DPP8: variants seen among roughly 807,000 people sequenced by gnomAD.
The protein encoded by DPP8 is DPP VIII.
Under a neutral mutation model 107.5 loss-of-function variants are expected in DPP8, and 31 were observed. The observed-to-expected ratio is 0.29, with a 90% CI of 0.22 to 0.39. The LOEUF (loss-of-function observed/expected upper bound fraction) is 0.39. Among genes scored for constraint, DPP8 ranks in the 10% least tolerant of loss-of-function variants. The probability of loss-of-function intolerance (pLI) is 1.00; values close to 1 mark genes in which losing one functional copy is unlikely to be tolerated. For synonymous variants in DPP8, 381 were observed against 356.6 expected (o/e 1.07, Z -0.77); for missense variants, 842 against 1,076.1 (o/e 0.78, Z 3.04).
intron 1 of DPP8, 32 bp from the exon 2 acceptor site, chr15:65,512,596 G>C (rs183162286): frequency 6.2e-7 from 1 of 1,610,170 alleles, no homozygotes; most frequent in Non-Finnish European, 8.5e-7. Context: ...AGCTGTTCAC[G>C]GGTCTATCTT....
chr15:65,490,424 T>A (rs2067910848), intron 5 of DPP8, 125 bp from the exon 6 acceptor site: 1 of 685,334 alleles, frequency 1.5e-6, no homozygotes, highest in Non-Finnish European at 2.6e-6. Flanking sequence ...CTGAACGGAC[T>A]GAGTTCAAAT....
chr15:65,503,977 G>C (rs2069591803), intron 3 of DPP8, among the ~76,000 whole-genome samples: 1 of 151,974 alleles, frequency 6.6e-6, no homozygotes, highest in African/African-American at 2.4e-5. Context: ...GGTCAGGCTG[G>C]TCTCGAACTC....
Position 65,467,204 on chromosome 15 carries a change from C to T in DPP8, c.1556G>A (p.Arg519Lys), listed in dbSNP as rs74561645. The T allele has an allele frequency of 1.1e-4, 174 of 1,614,166 alleles. No homozygotes were observed. The East Asian group carries it at 2.3e-3, about 21-fold the overall frequency. ...GGTGCCTTCAAAATATACCAGCCTT[C>T]TGACTTCATCAACTTGGATCTGACA... ...HGSNIQVDEV[R>K]RLVYFEGTKD... is the part of the protein sequence containing the mutation. The change falls in exon 13 of 20, where the codon AGA becomes AAA. Residue 519 changes from arginine to lysine, a missense_variant. This residue lies in a region of DPP8 where 663 missense variants were observed against 758.0 expected (regional missense o/e 0.87). Transcript: ENST00000300141.
chr15:65,454,676 G>A lies in DPP8; in HGVS notation c.2119-261C>T, dbSNP rs142425317. 3.2e-3 allele frequency among the ~76,000 whole-genome samples: 491 copies of A among 152,184 alleles called. 3 individuals are homozygous for A. Among genetic ancestry groups the A allele is most frequent in the Non-Finnish European group, 4.0e-3 (274 of 67,990 alleles). The stretch of plus-strand genomic sequence containing the variant: ...CAAGTAGCTGGGATCACAGGCATGC[G>A]CCACCATGCCCAGCTAATTTTTGTA... On this transcript the variant is annotated intron_variant, in intron 16 of 19. Transcript: ENST00000300141.
chr15:65,498,150 G>T, intron 4 of DPP8, 118 bp from the exon 5 acceptor site: 1 of 730,850 alleles, frequency 1.4e-6, no homozygotes, highest in Non-Finnish European at 2.0e-6. Flanking sequence ...GGCCGGGCGT[G>T]GTGACTTACG....
At chr15:65,475,284 C>G in intron 11 of DPP8, 2 of 670,868 alleles carry the variant, frequency 3.0e-6, no homozygotes, top group South Asian at 1.6e-5. Flanking sequence ...ACCCAAATAC[C>G]TCTATTCCAC....
At chr15:65,457,183 C>T (rs1220947693) in intron 15 of DPP8, among the ~76,000 whole-genome samples, 1 of 152,036 alleles carries the variant, frequency 6.6e-6, no homozygotes, top group African/African-American at 2.4e-5. Flanking sequence ...GGCGAAACCC[C>T]GTCTCTACCA....
intron 11 of DPP8, among the ~76,000 whole-genome samples, chr15:65,477,556 G>T (rs537893911): frequency 7.1e-6 from 1 of 141,680 alleles, no homozygotes; most frequent in South Asian, 2.2e-4. Flanking sequence ...TTGAGACAGA[G>T]TCTCCTGCTG....
At chr15:65,479,825 T>C (rs1470942434) in intron 10 of DPP8, among the ~76,000 whole-genome samples, 2 of 122,728 alleles carry the variant, frequency 1.6e-5, no homozygotes, top group African/African-American at 6.5e-5. Context: ...CAGTCTGGCC[T>C]GGGCGACAGA....
At chr15:65,500,439 T>C (rs559707037) in intron 4 of DPP8, among the ~76,000 whole-genome samples, 167 bp downstream of exon 4, 1 of 152,206 alleles carries the variant, frequency 6.6e-6, no homozygotes, top group South Asian at 2.1e-4. Context: ...AAAATCGCTC[T>C]TAAAATTGGA....
At chr15:65,477,827 G>A (rs2066538642) in intron 11 of DPP8, among the ~76,000 whole-genome samples, 1 of 151,864 alleles carries the variant, frequency 6.6e-6, no homozygotes, top group Non-Finnish European at 1.5e-5. Context: ...CCACCGTGCC[G>A]GGCCTTTTTC....
At chr15:65,471,850 T>C (rs1454024778) in intron 12 of DPP8, among the ~76,000 whole-genome samples, 1 of 152,190 alleles carries the variant, frequency 6.6e-6, no homozygotes, top group Non-Finnish European at 1.5e-5. Flanking sequence ...TATGTCTCCT[T>C]AATCACTTTA....
intron 19 of DPP8, among the ~76,000 whole-genome samples, chr15:65,448,870 A>ATATATATGTGTGTGTG (rs1567125150): frequency 1.3e-3 from 8 of 6,344 alleles, no homozygotes; most frequent in African/African-American, 4.3e-3. Context: ...TCTAAAATAT[A>ATATATATGTGTGTGTG]TATATATATA....
intron 16 of DPP8, chr15:65,455,629 C>G: frequency 8.5e-7 from 1 of 1,177,360 alleles, no homozygotes; most frequent in Non-Finnish European, 1.1e-6. Flanking sequence ...GAGCCAAAAA[C>G]AAAAATAAAA....
intron 1 of DPP8, chr15:65,517,130 CT>C (rs1196972380): frequency 6.6e-6 from 1 of 152,292 alleles, no homozygotes; most frequent in Non-Finnish European, 1.5e-5. Context: ...CCTCTGTGGG[CT>C]TCCGTTTCCT....
chr15:65,467,152 C>T lies in DPP8; in HGVS notation c.1608G>A (p.Leu536=). ...GTKDSPLEHH[L]YVVSYVNPGE... ...CAGGATTTACGTAACTGACTACGTA[C>T]AGGTGATGCTCTAAAGGGGAGTCTT... The change falls in exon 13 of 20, where the codon CTG becomes CTA. Residue 536 remains leucine, a synonymous_variant. Coordinates refer to ENST00000300141, the MANE Select transcript of DPP8 (RefSeq NM_130434.5). 2 of 1,614,036 alleles carry T rather than the reference C, an allele frequency of 1.2e-6. No individual in the cohort carries two copies. Among genetic ancestry groups the T allele is most frequent in the African/African-American group, 2.7e-5 (2 of 75,034 alleles).
chr15:65,460,169 T>A (rs1326891120), intron 15 of DPP8, among the ~76,000 whole-genome samples: 9 of 151,916 alleles, frequency 5.9e-5, no homozygotes, highest in Non-Finnish European at 7.4e-5. Flanking sequence ...CAGACAGGCA[T>A]GGTGGGTTAC....
intron 1 of DPP8, 137 bp from the exon 2 acceptor site, chr15:65,512,701 CTT>C (rs2070951108): frequency 3.7e-6 from 3 of 805,970 alleles, no homozygotes; most frequent in African/African-American, 1.7e-5. Context: ...TGCAATGAAA[CTT>C]AGTAAGAAAA....
At chr15:65,503,926 T>C (rs2069583370) in intron 3 of DPP8, among the ~76,000 whole-genome samples, 1 of 151,954 alleles carries the variant, frequency 6.6e-6, no homozygotes, top group African/African-American at 2.4e-5. Flanking sequence ...CACCTGGCCT[T>C]TTCTGTATTT....
Sources: gnomAD v4.1 joint callset for allele counts (sites outside exome capture counted in the v4.1 genomes callset) on GRCh38, gnomAD v4.1.1 for gene constraint, gnomAD v4.1.1 regional missense constraint, MANE v1.5 for transcripts, NCBI Gene and HGNC (gene_info 2026-07-23, HGNC 2026-07-21) for gene names.